The following PRDM16 variants were observed in gnomAD, a reference collection of about 807,000 sequenced individuals.
PRDM16 encodes the protein histone-lysine N-methyltransferase PRDM16.
Under a neutral mutation model 110.6 loss-of-function variants are expected in PRDM16, and 23 were observed. That is an observed-to-expected ratio of 0.21 (90% CI 0.15 to 0.29). PRDM16 has a LOEUF of 0.29. Among genes scored for constraint, PRDM16 ranks in the 10% least tolerant of loss-of-function variants. The pLI, the probability that PRDM16 is intolerant of heterozygous loss-of-function variation, is 1.00. For missense variants in PRDM16, 1,615 were observed against 1,794.3 expected (o/e 0.90, Z 1.81); for synonymous variants, 799 against 781.8 (o/e 1.02, Z -0.37).
At position 3,358,336 on chromosome 1, in the gene PRDM16, C is replaced by A. The variant is rs927011004; in HGVS notation, c.439-26816C>A. ...AACTGGGTCTTCTCTGGATGCGAGA[C>A]CTTCCCCCTGGCTGAGGGTGCTGGA... On this transcript the variant is annotated intron_variant, in intron 3 of 16. Transcript: ENST00000270722. The surrounding 1 kb of genome is among the most constrained non-coding windows in gnomAD (Gnocchi z 4.0). 1.3e-5 allele frequency among the ~76,000 whole-genome samples: 2 copies of A among 152,190 alleles called. No individual in the cohort carries two copies. Among genetic ancestry groups the A allele is most frequent in the Non-Finnish European group, 2.9e-5 (2 of 68,030 alleles).
intron 15 of PRDM16, 144 bp downstream of exon 15, chr1:3,431,252 C>T: frequency 1.5e-6 from 2 of 1,351,504 alleles, no homozygotes; most frequent in South Asian, 1.5e-5. Flanking sequence ...CCTCCACACA[C>T]AGGCCAGGGC....
At chr1:3,333,670 C>A (rs1262952745) in intron 3 of PRDM16, among the ~76,000 whole-genome samples, 2 of 152,284 alleles carry the variant, frequency 1.3e-5, no homozygotes, top group African/African-American at 4.8e-5. Flanking sequence ...GGATGTGCGT[C>A]CCCTCCAAAT....
In PRDM16 at chr1:3,339,798, C is replaced by T. The variant is rs547463698; in HGVS notation, c.439-45354C>T. On this transcript the variant is annotated intron_variant, in intron 3 of 16. Transcript: ENST00000270722. This position sits in a 1 kb window ranked among gnomAD's most constrained non-coding sequence, Gnocchi z 5.0. ...CATTCCCTTCCCCAGCTGCTGGAATCCTCAGAGAGCCCCTGTCACTCAAAG... is the reference window on the plus strand; with the variant it reads ...CATTCCCTTCCCCAGCTGCTGGAATTCTCAGAGAGCCCCTGTCACTCAAAG... Among the ~76,000 whole-genome samples, 1 of 152,318 alleles carries T rather than the reference C, an allele frequency of 6.6e-6. No homozygotes were observed. The highest frequency in any genetic ancestry group is 2.4e-5 in the African/African-American group (1 of 41,574).
At chr1:3,116,429 C>T (rs962315393) in intron 1 of PRDM16, among the ~76,000 whole-genome samples, 16 of 152,172 alleles carry the variant, frequency 1.1e-4, no homozygotes, top group African/African-American at 3.1e-4. Flanking sequence ...TGCTCCCTTC[C>T]TGTGAGAATT....
At chr1:3,115,691 C>T (rs950505259) in intron 1 of PRDM16, among the ~76,000 whole-genome samples, 36 of 152,190 alleles carry the variant, frequency 2.4e-4, no homozygotes, top group African/African-American at 8.7e-4. Context: ...CGGGGGCTGC[C>T]GCTGGCCTGG....
chr1:3,369,992 G>T (rs564667519), intron 3 of PRDM16, among the ~76,000 whole-genome samples: 1 of 152,286 alleles, frequency 6.6e-6, no homozygotes, highest in Admixed American at 6.5e-5. Flanking sequence ...AGCTCCTCCA[G>T]CCCGGCGTGT....
chr1:3,145,125 C>T (rs1643621361), intron 1 of PRDM16, among the ~76,000 whole-genome samples: 1 of 152,226 alleles, frequency 6.6e-6, no homozygotes, highest in Non-Finnish European at 1.5e-5. Flanking sequence ...AGGTGATCGT[C>T]CATGCCACCC....
At chr1:3,229,759 GGT>G (rs1455495270) in intron 2 of PRDM16, among the ~76,000 whole-genome samples, 2 of 152,174 alleles carry the variant, frequency 1.3e-5, no homozygotes, top group Non-Finnish European at 2.9e-5. Context: ...GAGGCGAGCA[GGT>G]GTGTCTGTTT....
chr1:3,346,643 C>T (rs941468547), intron 3 of PRDM16, among the ~76,000 whole-genome samples: 4 of 152,170 alleles, frequency 2.6e-5, no homozygotes, highest in African/African-American at 9.7e-5. Flanking sequence ...GCCCACCCCT[C>T]ACTCCTCCAA....
chr1:3,381,075 G>A (rs555563609), intron 3 of PRDM16, among the ~76,000 whole-genome samples: 2 of 152,200 alleles, frequency 1.3e-5, no homozygotes, highest in Admixed American at 1.3e-4. Flanking sequence ...ATTGGCCATC[G>A]CTTCAATGTC....
intron 3 of PRDM16, among the ~76,000 whole-genome samples, chr1:3,276,916 C>T (rs911781190): frequency 7.2e-5 from 11 of 152,290 alleles, no homozygotes; most frequent in African/African-American, 2.6e-4. Context: ...CTTCCTCCGC[C>T]ATCTTCTCCC....
In PRDM16 at chr1:3,290,654, TG is replaced by T. The variant is rs1640952838; in HGVS notation, c.438+46519del. The stretch of plus-strand genomic sequence containing the variant: ...GTGGTGGGCCCAGGCCGGCCAGCGC[TG>T]GCTGAAGGAGCACTGTCCCCACAAC... On this transcript the variant is annotated intron_variant, in intron 3 of 16. Transcript: ENST00000270722. The surrounding 1 kb of genome is among the most constrained non-coding windows in gnomAD (Gnocchi z 4.8). 6.6e-6 allele frequency among the ~76,000 whole-genome samples: 1 copy of T among 152,086 alleles called. No individual in the cohort carries two copies. The highest frequency in any genetic ancestry group is 1.5e-5 in the Non-Finnish European group (1 of 68,028).
chr1:3,318,553 A>G (rs1039033022), intron 3 of PRDM16, among the ~76,000 whole-genome samples: 1 of 152,128 alleles, frequency 6.6e-6, no homozygotes, highest in Middle Eastern at 3.2e-3. Context: ...TCAATTAGCT[A>G]TCTATTGATC....
intron 3 of PRDM16, among the ~76,000 whole-genome samples, chr1:3,266,782 T>A (rs2244876): frequency 0.22 from 34,056 of 152,144 alleles, 4,786 homozygotes; most frequent in African/African-American, 0.37. Flanking sequence ...GTCAAACAAT[T>A]CTCTTGCCTC....
rs1304688339 is a variant in PRDM16, at chr1:3,361,584, C to T, written c.439-23568C>T. On this transcript the variant is annotated intron_variant, in intron 3 of 16. Transcript: ENST00000270722. ...ACCCTGAAGCTCACCTGGGGCATAA[C>T]ACCGGCCCAACTGTGAGCTCCTCGG... Among the ~76,000 whole-genome samples, 5 of 152,374 alleles carry T rather than the reference C, an allele frequency of 3.3e-5. No homozygotes were observed. In the South Asian group the frequency reaches 8.3e-4, roughly 25 times the overall value.
At chr1:3,420,157 AC>A (rs1213719191) in intron 12 of PRDM16, among the ~76,000 whole-genome samples, 1 of 152,294 alleles carries the variant, frequency 6.6e-6, no homozygotes, top group African/African-American at 2.4e-5. Flanking sequence ...GTGAGTTTCG[AC>A]TTTGGTAACA....
chr1:3,136,333 C>T (rs1260902429), intron 1 of PRDM16, among the ~76,000 whole-genome samples: 5 of 152,176 alleles, frequency 3.3e-5, no homozygotes, highest in East Asian at 3.9e-4. Flanking sequence ...ACCCGCTGTC[C>T]GGGGACCTCT....
intron 2 of PRDM16, among the ~76,000 whole-genome samples, chr1:3,200,148 A>C (rs1638582036): frequency 6.6e-6 from 1 of 152,204 alleles, no homozygotes; most frequent in South Asian, 2.1e-4. Flanking sequence ...CCCCGTGATG[A>C]CTGCCCAGGG....
rs1381709543 is a variant in PRDM16 at position 3,213,066 on chromosome 1, G to A, written c.387+26592G>A. On this transcript the variant is annotated intron_variant, in intron 2 of 16. Coordinates refer to ENST00000270722, the MANE Select transcript of PRDM16 (RefSeq NM_022114.4). This position sits in a 1 kb window ranked among gnomAD's most constrained non-coding sequence, Gnocchi z 5.3. ...AGCGGGGTCGGCTCGCCCGCCTGCC[G>A]CACGCTTCCCCGGGAGGCCGAGCTC... Among the ~76,000 whole-genome samples the A allele has an allele frequency of 3.3e-5, 5 of 152,166 alleles. No individual in the cohort carries two copies. The highest frequency in any genetic ancestry group is 6.5e-5 in the Admixed American group (1 of 15,286).
Sources: allele counts gnomAD v4.1 joint callset (sites outside exome capture counted in the v4.1 genomes callset), GRCh38; gene constraint gnomAD v4.1.1; non-coding constraint Gnocchi (gnomAD v3.1); transcripts MANE v1.5; gene names NCBI Gene and HGNC (gene_info 2026-07-23, HGNC 2026-07-21).